The following KAZN variants were observed in gnomAD, a reference collection of about 807,000 sequenced individuals.
KAZN encodes the protein kazrin, periplakin interacting protein, also known as kazrin.
A neutral mutation model predicts 87.4 loss-of-function variants in KAZN; 40 were observed. The observed-to-expected ratio is 0.46, with a 90% CI of 0.36 to 0.60. The LOEUF (loss-of-function observed/expected upper bound fraction) is 0.60, where lower values mean the gene tolerates loss of function less well. KAZN is among the 20% of genes least tolerant of loss of function. KAZN has a pLI of 0.00. For synonymous variants in KAZN, 466 were observed against 458.3 expected (o/e 1.02, Z -0.22); for missense variants, 898 against 1,073.9 (o/e 0.84, Z 2.29).
At chr1:14,826,643 C>T (rs1472120448) in intron 1 of KAZN, among the ~76,000 whole-genome samples, 1 of 152,108 alleles carries the variant, frequency 6.6e-6, no homozygotes, top group Non-Finnish European at 1.5e-5. Flanking sequence ...ACATGCATGC[C>T]CCCACTGAGA....
rs1189544378 is a variant in KAZN, at chr1:15,060,088, G to C, written c.917-84G>C. ...TCAGTGTTCCCATCTGTAGAACGGG[G>C]GTGTTGGGTGGAATAACCGCCAAGG... is the stretch of plus-strand genomic sequence containing the variant. On this transcript the variant is annotated intron_variant, in intron 5 of 14. Transcript: ENST00000376030. 2.1e-5 allele frequency: 32 copies of C among 1,550,656 alleles called. No individual in the cohort carries two copies. In the East Asian group the frequency reaches 7.0e-4, roughly 34 times the overall value.
chr1:14,213,160 A>G (rs1646889770), intron 2 of KAZN, among the ~76,000 whole-genome samples: 1 of 152,178 alleles, frequency 6.6e-6, no homozygotes, highest in Non-Finnish European at 1.5e-5. Flanking sequence ...TCTTAAGTAG[A>G]TATGGAAAAT....
At chr1:14,719,779 C>T (rs988941739) in intron 1 of KAZN, among the ~76,000 whole-genome samples, 3 of 152,088 alleles carry the variant, frequency 2.0e-5, no homozygotes, top group South Asian at 4.2e-4. Context: ...GTGGAGGTTG[C>T]GGTGAGCCAA....
chr1:14,852,290 C>T (rs1649545200), intron 1 of KAZN, among the ~76,000 whole-genome samples: 1 of 152,214 alleles, frequency 6.6e-6, no homozygotes, highest in South Asian at 2.1e-4. Context: ...CCAGGTGGCC[C>T]TGAGAGATGG....
At chr1:14,204,306 C>G (rs1302226428) in intron 2 of KAZN, among the ~76,000 whole-genome samples, 1 of 152,168 alleles carries the variant, frequency 6.6e-6, no homozygotes, top group Non-Finnish European at 1.5e-5. Flanking sequence ...TGAGCCATAC[C>G]TTGTATAGGA....
At chr1:14,924,448 G>A (rs1203265657) in intron 1 of KAZN, 26 of 988,734 alleles carry the variant, frequency 2.6e-5, no homozygotes, top group Non-Finnish European at 3.1e-5. Context: ...GCGGGGCGGG[G>A]GCCGGGCCCG....
In KAZN at chr1:15,065,658, G is replaced by A. The variant is rs774010936; in HGVS notation, c.1127G>A (p.Arg376Gln). 2.5e-6 allele frequency: 4 copies of A among 1,613,740 alleles called. No homozygotes were observed. The highest frequency in any genetic ancestry group is 1.6e-4 in the Middle Eastern group (1 of 6,080). The change falls in exon 8 of 15, where the codon CGG (arginine) becomes CAG (glutamine). Residue 376 changes from arginine to glutamine, a missense_variant. Physicochemically the swap from Arg to Gln is conservative, Grantham distance 43 (BLOSUM62 1). This residue lies in a region of KAZN where 521 missense variants were observed against 689.4 expected (regional missense o/e 0.76). Coordinates refer to ENST00000376030, the MANE Select transcript of KAZN (RefSeq NM_201628.3). ...QSLEDLEDQK[R>Q]KKKKEKMGFG... Reference sequence around the variant, plus strand: ...CTAGAGGATCTTGAAGACCAAAAACGGAAAAAGAAGAAAGAGAAGATGGGA... The same window carrying A: ...CTAGAGGATCTTGAAGACCAAAAACAGAAAAAGAAGAAAGAGAAGATGGGA...
chr1:13,979,196 CA>C (rs1483518986), intron 1 of KAZN, among the ~76,000 whole-genome samples: 10 of 151,950 alleles, frequency 6.6e-5, no homozygotes, highest in African/African-American at 2.4e-4. Context: ...CTACAAACCT[CA>C]GGGGGAAACC....
At chr1:14,873,164 A>G (rs1652379583) in intron 1 of KAZN, among the ~76,000 whole-genome samples, 1 of 142,748 alleles carries the variant, frequency 7.0e-6, no homozygotes, top group Admixed American at 7.5e-5. Flanking sequence ...GGATGGACAG[A>G]TAGATGAATG....
At chr1:14,236,331 G>A (rs1226745304) in intron 2 of KAZN, among the ~76,000 whole-genome samples, 1 of 152,166 alleles carries the variant, frequency 6.6e-6, no homozygotes, top group Admixed American at 6.5e-5. Context: ...TGAGATGGAA[G>A]GGAGGGTTTC....
At chr1:14,811,648 T>C (rs1250664920) in intron 1 of KAZN, among the ~76,000 whole-genome samples, 1 of 152,254 alleles carries the variant, frequency 6.6e-6, no homozygotes, top group Non-Finnish European at 1.5e-5. Flanking sequence ...TACTAAATTC[T>C]ATCAATTCTA....
At chr1:14,091,842 A>G (rs1309195507) in intron 1 of KAZN, among the ~76,000 whole-genome samples, 1 of 152,134 alleles carries the variant, frequency 6.6e-6, no homozygotes. Context: ...TCTCTAATTC[A>G]TGCTAACCTT....
chr1:13,914,047 C>T (rs926329093), intron 1 of KAZN, among the ~76,000 whole-genome samples: 3 of 152,336 alleles, frequency 2.0e-5, no homozygotes, highest in African/African-American at 7.2e-5. Flanking sequence ...TCTGGCCTGG[C>T]TGAGGCTCGA....
chr1:14,816,642 G>A (rs1302121225), intron 1 of KAZN, among the ~76,000 whole-genome samples: 1 of 152,082 alleles, frequency 6.6e-6, no homozygotes, highest in African/African-American at 2.4e-5. Context: ...AATAGATATA[G>A]ATACAGATAG....
chr1:14,544,443 G>A (rs1381024887), intron 2 of KAZN, among the ~76,000 whole-genome samples: 1 of 149,156 alleles, frequency 6.7e-6, no homozygotes, highest in Non-Finnish European at 1.5e-5. Flanking sequence ...GAATATGGGA[G>A]GGGAGGATCA....
chr1:14,371,516 T>C (rs1660481893), intron 2 of KAZN, among the ~76,000 whole-genome samples: 1 of 152,018 alleles, frequency 6.6e-6, no homozygotes, highest in Admixed American at 6.6e-5. Flanking sequence ...TGGAAAAGGG[T>C]GGTCCCAGGG....
intron 1 of KAZN, among the ~76,000 whole-genome samples, chr1:13,899,811 T>A (rs1002812712): frequency 1.3e-5 from 2 of 152,018 alleles, no homozygotes; most frequent in African/African-American, 4.8e-5. Flanking sequence ...GCCCAGCTAA[T>A]TTTTGTATTT....
intron 2 of KAZN, among the ~76,000 whole-genome samples, chr1:14,322,629 G>A (rs1656125153): frequency 6.6e-6 from 1 of 152,134 alleles, no homozygotes; most frequent in Admixed American, 6.6e-5. Flanking sequence ...GACATAAATG[G>A]TGGCCAAATC....
chr1:14,887,704 C>T (rs1231867896), intron 1 of KAZN, among the ~76,000 whole-genome samples: 2 of 150,476 alleles, frequency 1.3e-5, no homozygotes, highest in Non-Finnish European at 2.9e-5. Context: ...CCCAGGGAAC[C>T]GGAGAAGGGA....
Sources: gnomAD v4.1 joint callset for allele counts (sites outside exome capture counted in the v4.1 genomes callset) on GRCh38, gnomAD v4.1.1 for gene constraint, gnomAD v4.1.1 regional missense constraint, MANE v1.5 for transcripts, NCBI Gene and HGNC (gene_info 2026-07-23, HGNC 2026-07-21) for gene names.